AHRR: variants seen among roughly 807,000 people sequenced by gnomAD.
AHRR encodes ahR repressor.
A neutral mutation model predicts 44.0 loss-of-function variants in AHRR; 28 were observed. That is an observed-to-expected ratio of 0.64 (90% CI 0.47 to 0.87). The LOEUF is 0.87. AHRR is among the 40% of genes least tolerant of loss of function. The pLI is 0.00. For missense variants in AHRR, 990 were observed against 953.9 expected, an observed-to-expected ratio of 1.04 and a Z score of -0.50; for synonymous variants, 434 against 407.0, an observed-to-expected ratio of 1.07 and a Z score of -0.80.
In AHRR at chr5:404,009, G is replaced by T; in HGVS notation, c.352-9335G>T. On this transcript the variant is annotated intron_variant, in intron 4 of 10. Transcript: ENST00000684583. The surrounding 1 kb of genome is among the most constrained non-coding windows in gnomAD (Gnocchi z 4.1). ...TTCTTTACAGTAATTCGAACTTGGT[G>T]TTTTTTCTTAATCCACGGCTGAATC... 2.1e-6 allele frequency: 2 copies of T among 936,904 alleles called. No individual in the cohort carries two copies. Among genetic ancestry groups the T allele is most frequent in the Non-Finnish European group, 1.7e-6 (1 of 575,940 alleles). The allele number at this position is 936,904 out of a possible 1,614,324, so 58.0% of individuals were successfully genotyped here.
intron 7 of AHRR, among the ~76,000 whole-genome samples, chr5:425,155 G>A (rs1736326585): frequency 6.6e-6 from 1 of 152,208 alleles, no homozygotes; most frequent in Non-Finnish European, 1.5e-5. Flanking sequence ...GGTGCAGACG[G>A]TCCCCATGGC....
rs1055094612 is a variant in AHRR at position 405,635 on chromosome 5, C to A, written c.352-7709C>A. Among the ~76,000 whole-genome samples, 1 of 152,194 alleles carries A rather than the reference C, an allele frequency of 6.6e-6. No individual in the cohort carries two copies. On this transcript the variant is annotated intron_variant, in intron 4 of 10. Transcript: ENST00000684583. This position sits in a 1 kb window ranked among gnomAD's most constrained non-coding sequence, Gnocchi z 4.5. ...CAAGTGGGCGGCACACCCTTCAGGT[C>A]GGTGGGAGTGAGGGCCTTCGGGTCG... is the stretch of plus-strand genomic sequence containing the variant.
chr5:395,258 C>T lies in AHRR; in HGVS notation c.352-18086C>T, dbSNP rs1200021224. 1.3e-5 allele frequency among the ~76,000 whole-genome samples: 2 copies of T among 152,220 alleles called. No individual in the cohort carries two copies. The highest frequency in any genetic ancestry group is 2.9e-5 in the Non-Finnish European group (2 of 68,038). On this transcript the variant is annotated intron_variant, in intron 4 of 10. Transcript: ENST00000684583. This position sits in a 1 kb window ranked among gnomAD's most constrained non-coding sequence, Gnocchi z 5.3. ...CCCTGCGTCCCCATTCCCTGAATGA[C>T]ACTGGTGCGGAATGCAGACAGAGGG...
intron 4 of AHRR, among the ~76,000 whole-genome samples, chr5:393,672 C>CT (rs1359947748): frequency 1.3e-5 from 2 of 152,100 alleles, no homozygotes; most frequent in African/African-American, 4.8e-5. Context: ...GAGTCTCACT[C>CT]TGTTTCCCAG....
intron 4 of AHRR, among the ~76,000 whole-genome samples, chr5:385,732 C>T (rs561478106): frequency 2.3e-4 from 35 of 152,198 alleles, no homozygotes; most frequent in African/African-American, 8.4e-4. Flanking sequence ...TAGAGATTTT[C>T]CTGTTTAGGG....
Position 434,139 on chromosome 5 carries a change from C to A in AHRR, c.1399C>A (p.Pro467Thr). Reference protein sequence around the residue: ...PSAYSSRTSRPMRDVGEDQVH... With the variant: ...PSAYSSRTSRTMRDVGEDQVH... ...TGCCTACTCCAGCCGGACCAGCAGA[C>A]CCATGCGGGATGTCGGTGAGGACCA... The change falls in exon 11 of 11, where the codon CCC becomes ACC. Residue 467 changes from proline to threonine, a missense_variant. Coordinates refer to ENST00000684583, the MANE Select transcript of AHRR (RefSeq NM_001377236.1). The A allele has an allele frequency of 6.2e-7, 1 of 1,611,362 alleles. No individual in the cohort carries two copies. The highest frequency in any genetic ancestry group is 8.5e-7 in the Non-Finnish European group (1 of 1,179,214).
chr5:367,707 C>T (rs958623343), intron 3 of AHRR: 8 of 618,780 alleles, frequency 1.3e-5, no homozygotes, highest in Admixed American at 7.6e-5. Flanking sequence ...CAGCCTCTGC[C>T]CCTCTGCCCT....
chr5:378,960 C>T (rs1002657720), intron 4 of AHRR, among the ~76,000 whole-genome samples: 7 of 152,214 alleles, frequency 4.6e-5, no homozygotes, highest in Non-Finnish European at 8.8e-5. Flanking sequence ...TTCTTTTCGG[C>T]ATTCAGTGGG....
chr5:329,604 C>T (rs1363989979), intron 1 of AHRR, among the ~76,000 whole-genome samples: 2 of 152,190 alleles, frequency 1.3e-5, no homozygotes, highest in African/African-American at 4.8e-5. Flanking sequence ...GTCATTTTAA[C>T]AATGTGAATT....
intron 1 of AHRR, among the ~76,000 whole-genome samples, chr5:341,893 T>C (rs1298041095): frequency 6.6e-6 from 1 of 152,334 alleles, no homozygotes; most frequent in East Asian, 1.9e-4. Context: ...AAGTCTGATA[T>C]GTTTGCATTT....
intron 3 of AHRR, among the ~76,000 whole-genome samples, chr5:374,036 C>G (rs931302866): frequency 9.2e-5 from 14 of 152,054 alleles, no homozygotes; most frequent in Non-Finnish European, 1.6e-4. Flanking sequence ...CTGCCGGGTC[C>G]GCGGGGCGCA....
chr5:324,426 T>A (rs961555881), intron 1 of AHRR, among the ~76,000 whole-genome samples: 6 of 150,970 alleles, frequency 4.0e-5, no homozygotes, highest in African/African-American at 7.3e-5. Context: ...TGGAATTTTT[T>A]TTTTAATAAA....
intron 1 of AHRR, among the ~76,000 whole-genome samples, chr5:340,072 A>G (rs922068239): frequency 7.2e-5 from 11 of 152,274 alleles, no homozygotes; most frequent in African/African-American, 2.6e-4. Flanking sequence ...TAAGTCGACA[A>G]TTTTAAATTT....
intron 3 of AHRR, 66 bp from the exon 4 acceptor site, chr5:376,544 G>GTTAA: frequency 3.6e-6 from 5 of 1,405,326 alleles, no homozygotes; most frequent in South Asian, 1.4e-5. Flanking sequence ...CAGGAAAGAT[G>GTTAA]TGAATGAAGA....
In AHRR at chr5:436,682, T is replaced by A. The variant is rs890775039; in HGVS notation, c.*1848T>A. The A allele has an allele frequency of 1.3e-5, 2 of 152,534 alleles. No homozygotes were observed. The highest frequency in any genetic ancestry group is 2.4e-5 in the African/African-American group (1 of 41,472). 9.4% of individuals were successfully genotyped at this position (152,534 alleles called of 1,614,324 possible). ...CTTTCAAAAGGTGACCTCCATGCTG[T>A]GCTGTCGTGGGTGTGAGACGTGCTC... On this transcript the variant is annotated 3_prime_UTR_variant, in exon 11 of 11. Coordinates refer to ENST00000684583, the MANE Select transcript of AHRR (RefSeq NM_001377236.1).
rs1189809157 is a variant in AHRR, at chr5:411,779, TG to T, written c.352-1562del. Among the ~76,000 whole-genome samples, 6 of 152,182 alleles carry T rather than the reference TG, an allele frequency of 3.9e-5. No individual in the cohort carries two copies. Among genetic ancestry groups the T allele is most frequent in the African/African-American group, 1.4e-4 (6 of 41,448 alleles). ...ATACTGCTGACAGCCACAAACATCA[TG>T]GGAGTTAAAGTCTCCGAATGTCTGT... On this transcript the variant is annotated intron_variant, in intron 4 of 10. Transcript: ENST00000684583. The surrounding 1 kb of genome is among the most constrained non-coding windows in gnomAD (Gnocchi z 4.2).
chr5:399,121 C>T (rs1734900999), intron 4 of AHRR, among the ~76,000 whole-genome samples: 1 of 152,246 alleles, frequency 6.6e-6, no homozygotes, highest in African/African-American at 2.4e-5. Context: ...CTCCCTCGGG[C>T]TCTCCTGGGT....
At chr5:432,594 C>T in intron 9 of AHRR, 70 bp downstream of exon 9, 1 of 1,562,840 alleles carries the variant, frequency 6.4e-7, no homozygotes, top group Non-Finnish European at 8.8e-7. Flanking sequence ...GGAGAGCTTC[C>T]CCGCCCAGTG....
rs998738850 is a variant in AHRR at position 405,817 on chromosome 5, T to A, written c.352-7527T>A. On this transcript the variant is annotated intron_variant, in intron 4 of 10. Transcript: ENST00000684583. This position sits in a 1 kb window ranked among gnomAD's most constrained non-coding sequence, Gnocchi z 4.5. ...ATTTTCACGGCACGTGTGACTTTTC[T>A]TTTTGGATACTTTACTGATTGAAAA... is the stretch of plus-strand genomic sequence containing the variant. Among the ~76,000 whole-genome samples the A allele has an allele frequency of 5.9e-5, 9 of 152,370 alleles. No homozygotes were observed. Among genetic ancestry groups the A allele is most frequent in the African/African-American group, 2.2e-4 (9 of 41,590 alleles).
Sources: gnomAD v4.1 joint callset for allele counts (sites outside exome capture counted in the v4.1 genomes callset) on GRCh38, gnomAD v4.1.1 for gene constraint, Gnocchi (gnomAD v3.1) non-coding constraint, MANE v1.5 for transcripts, NCBI Gene and HGNC (gene_info 2026-07-23, HGNC 2026-07-21) for gene names.